ZBTB7B: variants seen among roughly 807,000 people sequenced by gnomAD.
ZBTB7B encodes the protein zinc finger and BTB domain containing 7B, also known as zinc finger and BTB domain-containing protein 7B.
In ZBTB7B, 8 loss-of-function variants were observed where a neutral mutation model predicts 31.0. The ratio of observed to expected loss-of-function variants is 0.26; its 90% confidence interval spans 0.15 to 0.47. The LOEUF (loss-of-function observed/expected upper bound fraction) is 0.47. ZBTB7B is among the 20% of genes least tolerant of loss of function. The probability of loss-of-function intolerance (pLI) is 0.99; values close to 1 mark genes in which losing one functional copy is unlikely to be tolerated. For synonymous variants in ZBTB7B, 261 were observed against 307.3 expected (o/e 0.85, Z 1.58); for missense variants, 494 against 742.4 (o/e 0.67, Z 3.89).
intron 1 of ZBTB7B, among the ~76,000 whole-genome samples, chr1:155,006,746 C>T (rs1049917537): frequency 5.9e-5 from 9 of 152,070 alleles, no homozygotes; most frequent in African/African-American, 2.2e-4. Flanking sequence ...GTCCCCCCAA[C>T]TCCTCCCCAC....
Position 155,014,753 on chromosome 1 carries a change from C to T in ZBTB7B, c.93C>T (p.Gly31=), listed in dbSNP as rs1387341185. The T allele has an allele frequency of 6.2e-7, 1 of 1,614,128 alleles. No homozygotes were observed. The highest frequency in any genetic ancestry group is 8.5e-7 in the Non-Finnish European group (1 of 1,180,044). ...LSCLNEQRQL[G]HLCDLTIRTQ... ...GCCTCAATGAGCAGCGCCAGCTGGG[C>T]CACCTATGTGACCTCACCATCCGGA... Residue 31 remains glycine (G), a synonymous_variant, in exon 2 of 3, where the codon GGC becomes GGT. Coordinates refer to ENST00000535420, the MANE Select transcript of ZBTB7B (RefSeq NM_001256455.2).
chr1:155,006,469 C>T lies in ZBTB7B; in HGVS notation c.-7+3526C>T, dbSNP rs141907977. 9.5e-4 allele frequency among the ~76,000 whole-genome samples: 144 copies of T among 152,282 alleles called. 2 individuals carry two copies. In the East Asian group the frequency reaches 0.026, roughly 28 times the overall value. On this transcript the variant is annotated intron_variant, in intron 1 of 2. Coordinates refer to ENST00000535420, the MANE Select transcript of ZBTB7B (RefSeq NM_001256455.2). ...AGAACCAGGTCAGCCTTCAGAGCTT[C>T]CCAGTCAGCAAATACCTGTGCCAGA...
At chr1:155,014,570 A>T in intron 1 of ZBTB7B, 85 bp from the exon 2 acceptor site, 1 of 1,269,572 alleles carries the variant, frequency 7.9e-7, no homozygotes, top group East Asian at 2.3e-5. Flanking sequence ...GTCATCCCTC[A>T]ATAAGTATTG....
At chr1:155,011,106 C>G (rs568973869) in intron 1 of ZBTB7B, 25 of 1,176,322 alleles carry the variant, frequency 2.1e-5, no homozygotes, top group Non-Finnish European at 2.8e-5. Flanking sequence ...CTGGTTCCGC[C>G]TGCTGCCCCC....
rs776255768 is a variant in ZBTB7B, at chr1:155,014,696, A to C, written c.36A>C (p.Pro12=). The part of the protein sequence containing the change: ...GSPEDDLIGI[P]FPDHSSELLS... ...CCGAGGATGACCTGATTGGGATTCC[A>C]TTCCCGGACCACAGCAGTGAGCTCC... Residue 12 remains proline, a synonymous_variant, in exon 2 of 3, where the codon CCA becomes CCC. Transcript: ENST00000535420. 1 of 1,614,038 alleles carries C rather than the reference A, an allele frequency of 6.2e-7. No homozygotes were observed.
rs1330230109 is a variant in ZBTB7B at position 155,003,286 on chromosome 1, A to AG, written c.-7+348dup. Among the ~76,000 whole-genome samples, 2 of 152,132 alleles carry AG rather than the reference A, an allele frequency of 1.3e-5. No homozygotes were observed. The highest frequency in any genetic ancestry group is 2.9e-5 in the Non-Finnish European group (2 of 68,002). ...TTCCCCCAGTCTCCTTCGTGACTTT[A>AG]GGGGGAGACCCCAGACCGGACTGAG... On this transcript the variant is annotated intron_variant, in intron 1 of 2. Transcript: ENST00000535420. This position sits in a 1 kb window ranked among gnomAD's most constrained non-coding sequence, Gnocchi z 5.8.
rs1263518997 is a variant in ZBTB7B at position 155,015,674 on chromosome 1, C to T, written c.1014C>T (p.Arg338=). 7 of 1,613,016 alleles carry T rather than the reference C, an allele frequency of 4.3e-6. No homozygotes were observed. Among genetic ancestry groups the T allele is most frequent in the African/African-American group, 4.0e-5 (3 of 74,898 alleles). The change falls in exon 2 of 3, where the codon CGC becomes CGT. Residue 338 remains arginine (R), a synonymous_variant. Coordinates refer to ENST00000535420, the MANE Select transcript of ZBTB7B (RefSeq NM_001256455.2). ...TGGACAGCCAAGACAAGCTGGTGCGCAAACGCCGCTCCCAGATGCCTCAGG... is the reference window on the plus strand; with the variant it reads ...TGGACAGCCAAGACAAGCTGGTGCGTAAACGCCGCTCCCAGATGCCTCAGG... The part of the protein sequence containing the change: ...PGLDSQDKLV[R]KRRSQMPQEC...
chr1:155,001,845 T>C (rs1450472880), upstream of ZBTB7B, among the ~76,000 whole-genome samples: 2 of 113,900 alleles, frequency 1.8e-5, no homozygotes, highest in Admixed American at 8.5e-5. The surrounding 1 kb of genome is among the most constrained non-coding windows in gnomAD (Gnocchi z 4.8). Flanking sequence ...ACTCCCCGGC[T>C]CCCTCCGAGA....
intron 1 of ZBTB7B, among the ~76,000 whole-genome samples, chr1:155,011,285 C>T (rs916908792): frequency 2.0e-5 from 3 of 152,224 alleles, no homozygotes; most frequent in East Asian, 1.9e-4. Flanking sequence ...GGTCAGCACC[C>T]GGAAAGAGTT....
chr1:155,001,830 G>A (rs1336176683), upstream of ZBTB7B, among the ~76,000 whole-genome samples: 2 of 148,594 alleles, frequency 1.3e-5, no homozygotes, highest in South Asian at 2.2e-4. The surrounding 1 kb of genome is among the most constrained non-coding windows in gnomAD (Gnocchi z 4.8). Context: ...GCGCCCGCAG[G>A]CTCAACTCCC....
Position 155,014,847 on chromosome 1 carries a change from T to C in ZBTB7B, c.187T>C (p.Phe63Leu). Residue 63 changes from phenylalanine to leucine, a missense_variant, in exon 2 of 3, where the codon TTC becomes CTC. Phe to Leu is a conservative substitution (Grantham distance 22). Around this residue, in one of 5 missense-constraint regions of ZBTB7B, gnomAD observed 90 missense variants for 143.2 expected, o/e 0.63. Transcript: ENST00000535420. ...CTGTAGCCACTACTTCAAGAAGCTT[T>C]TCACTGAGGGCGGTGGCGGAGCTGT... is the stretch of plus-strand genomic sequence containing the variant. The part of the protein sequence containing the change: ...AACSHYFKKL[F>L]TEGGGGAVMG... The C allele has an allele frequency of 6.2e-7, 1 of 1,614,204 alleles. No individual in the cohort carries two copies. Among genetic ancestry groups the C allele is most frequent in the Non-Finnish European group, 8.5e-7 (1 of 1,180,030 alleles).
intron 1 of ZBTB7B, among the ~76,000 whole-genome samples, chr1:155,013,845 G>C (rs901340409): frequency 6.6e-6 from 1 of 152,078 alleles, no homozygotes; most frequent in South Asian, 2.1e-4. Context: ...GGCCCCATGG[G>C]GGAGGGGAGG....
chr1:155,007,647 G>T, intron 1 of ZBTB7B, among the ~76,000 whole-genome samples: 1 of 152,170 alleles, frequency 6.6e-6, no homozygotes, highest in East Asian at 1.9e-4. Context: ...AAGGCCTAGG[G>T]GCCTGGGCCC....
intron 1 of ZBTB7B, among the ~76,000 whole-genome samples, chr1:155,012,303 C>T (rs1264722595): frequency 6.6e-6 from 1 of 152,020 alleles, no homozygotes. Context: ...GGGTGAGCCA[C>T]GTGCCTGCCA....
rs1331833316 is a variant in ZBTB7B at position 155,017,440 on chromosome 1, G to C, written c.*755G>C. 1.3e-5 allele frequency: 2 copies of C among 150,022 alleles called. No individual in the cohort carries two copies. Among genetic ancestry groups the C allele is most frequent in the Non-Finnish European group, 3.0e-5 (2 of 67,046 alleles). The allele number at this position is 150,022 out of a possible 1,614,324, so 9.3% of individuals were successfully genotyped here. ...CTCCCCACGGCCCTGGGCAGGGAAT[G>C]TCTTGTTCCCGCCGCTCCCTCCCCG... On this transcript the variant is annotated 3_prime_UTR_variant, in exon 3 of 3. Coordinates refer to ENST00000535420, the MANE Select transcript of ZBTB7B (RefSeq NM_001256455.2).
In ZBTB7B at chr1:155,004,592, G is replaced by A. The variant is rs1571504347; in HGVS notation, c.-7+1649G>A. On this transcript the variant is annotated intron_variant, in intron 1 of 2. Coordinates refer to ENST00000535420, the MANE Select transcript of ZBTB7B (RefSeq NM_001256455.2). The surrounding 1 kb of genome is among the most constrained non-coding windows in gnomAD (Gnocchi z 4.0). ...GGGGAGGAGAGAGTGGGCATAAGGAGTGTTGTGCTGCGCTAGAGAGGGACA... is the reference window on the plus strand; with the variant it reads ...GGGGAGGAGAGAGTGGGCATAAGGAATGTTGTGCTGCGCTAGAGAGGGACA... 1.3e-5 allele frequency among the ~76,000 whole-genome samples: 2 copies of A among 152,132 alleles called. No homozygotes were observed. The highest frequency in any genetic ancestry group is 2.1e-4 in the South Asian group (1 of 4,836).
At position 155,004,231 on chromosome 1, in the gene ZBTB7B, G is replaced by A. The variant is rs1043617311; in HGVS notation, c.-7+1288G>A. On this transcript the variant is annotated intron_variant, in intron 1 of 2. Coordinates refer to ENST00000535420, the MANE Select transcript of ZBTB7B (RefSeq NM_001256455.2). The surrounding 1 kb of genome is among the most constrained non-coding windows in gnomAD (Gnocchi z 4.0). ...GGCTGTCCAGGCTTCCGGGCCAGGT[G>A]GAGGGTGTTCTTGAATTGACCCCCG... Among the ~76,000 whole-genome samples the A allele has an allele frequency of 1.3e-5, 2 of 152,148 alleles. No homozygotes were observed. The highest frequency in any genetic ancestry group is 2.9e-5 in the Non-Finnish European group (2 of 68,016).
At chr1:155,008,709 G>C (rs961192949) in intron 1 of ZBTB7B, among the ~76,000 whole-genome samples, 3 of 152,178 alleles carry the variant, frequency 2.0e-5, no homozygotes, top group Non-Finnish European at 4.4e-5. Flanking sequence ...TTCTGCTGGG[G>C]CTTCAGGCAC....
Position 155,003,153 on chromosome 1 carries a change from GC to G in ZBTB7B, c.-7+216del, listed in dbSNP as rs929273965. On this transcript the variant is annotated intron_variant, in intron 1 of 2. Coordinates refer to ENST00000535420, the MANE Select transcript of ZBTB7B (RefSeq NM_001256455.2). This position sits in a 1 kb window ranked among gnomAD's most constrained non-coding sequence, Gnocchi z 5.8. ...GAAAGACAGAGAAGGAACTGCGGATGCCCCCCAACCCTAGGCGGAGGGTCCC... is the reference window on the plus strand; with the variant it reads ...GAAAGACAGAGAAGGAACTGCGGATGCCCCCAACCCTAGGCGGAGGGTCCC... 2.0e-5 allele frequency among the ~76,000 whole-genome samples: 3 copies of G among 152,188 alleles called. No individual in the cohort carries two copies. Among genetic ancestry groups the G allele is most frequent in the Non-Finnish European group, 4.4e-5 (3 of 68,034 alleles).
Sources: allele counts gnomAD v4.1 joint callset (sites outside exome capture counted in the v4.1 genomes callset), GRCh38; gene constraint gnomAD v4.1.1; regional missense constraint gnomAD v4.1.1; non-coding constraint Gnocchi (gnomAD v3.1); transcripts MANE v1.5; gene names NCBI Gene and HGNC (gene_info 2026-07-23, HGNC 2026-07-21).